The following DACH1 variants were observed in gnomAD, a reference collection of about 807,000 sequenced individuals.
DACH1 encodes dachshund family transcription factor 1.
Under a neutral mutation model 54.2 loss-of-function variants are expected in DACH1, and 12 were observed. The observed-to-expected ratio is 0.22, with a 90% CI of 0.14 to 0.36. The LOEUF (loss-of-function observed/expected upper bound fraction) is 0.36. Ranked by LOEUF, DACH1 falls within the 10% of genes least tolerant of loss-of-function variation. DACH1 has a pLI of 1.00. For synonymous variants in DACH1, 386 were observed against 366.2 expected (o/e 1.05, Z -0.62); for missense variants, 805 against 929.8 (o/e 0.87, Z 1.75).
intron 3 of DACH1, among the ~76,000 whole-genome samples, chr13:71,574,046 C>A (rs910926229): frequency 6.6e-6 from 1 of 152,084 alleles, no homozygotes; most frequent in Admixed American, 6.6e-5. Flanking sequence ...ACAGAGAACA[C>A]AAAAGATCAC....
chr13:71,804,934 A>T (rs2138134764), intron 1 of DACH1, among the ~76,000 whole-genome samples: 1 of 152,278 alleles, frequency 6.6e-6, no homozygotes, highest in South Asian at 2.1e-4. Flanking sequence ...CTTCTCTGGA[A>T]CACAGAACAC....
chr13:71,663,874 T>C (rs938971858), intron 2 of DACH1, among the ~76,000 whole-genome samples: 1 of 151,742 alleles, frequency 6.6e-6, no homozygotes, highest in African/African-American at 2.4e-5. Context: ...CAGAGTTCAA[T>C]ATGTAAAGTT....
At chr13:71,795,366 G>A (rs1164818780) in intron 1 of DACH1, among the ~76,000 whole-genome samples, 1 of 152,074 alleles carries the variant, frequency 6.6e-6, no homozygotes, top group African/African-American at 2.4e-5. Context: ...TTTCCACAGT[G>A]AACCATGTTT....
chr13:71,830,791 C>T (rs1380333771), intron 1 of DACH1, among the ~76,000 whole-genome samples: 1 of 151,844 alleles, frequency 6.6e-6, no homozygotes, highest in Non-Finnish European at 1.5e-5. Flanking sequence ...CCAATCCCAT[C>T]TTATTTACTT....
At chr13:71,546,147 T>C (rs1883450984) in intron 6 of DACH1, among the ~76,000 whole-genome samples, 1 of 152,132 alleles carries the variant, frequency 6.6e-6, no homozygotes, top group Non-Finnish European at 1.5e-5. Flanking sequence ...AAGTTTATAT[T>C]GCTTGCAATA....
intron 2 of DACH1, among the ~76,000 whole-genome samples, chr13:71,671,383 G>A (rs1475686420): frequency 7.9e-5 from 12 of 151,846 alleles, no homozygotes; most frequent in Admixed American, 7.2e-4. Flanking sequence ...TAGCAAGTAC[G>A]ATTGCTTAAG....
chr13:71,629,107 A>G (rs1566390444), intron 3 of DACH1, among the ~76,000 whole-genome samples: 1 of 152,124 alleles, frequency 6.6e-6, no homozygotes, highest in Non-Finnish European at 1.5e-5. Flanking sequence ...TTTTACTTTA[A>G]AGTAATAGTT....
intron 1 of DACH1, among the ~76,000 whole-genome samples, chr13:71,714,227 T>C (rs1403922085): frequency 6.6e-6 from 1 of 152,018 alleles, no homozygotes; most frequent in Admixed American, 6.6e-5. Context: ...ATTTTTGTTA[T>C]GGCAACACTA....
intron 1 of DACH1, among the ~76,000 whole-genome samples, chr13:71,757,380 T>G (rs552776189): frequency 1.3e-5 from 2 of 152,294 alleles, no homozygotes; most frequent in Admixed American, 1.3e-4. Flanking sequence ...AGTGGCCAAA[T>G]GGCTCTGTAG....
At chr13:71,610,912 T>C (rs1004258691) in intron 3 of DACH1, among the ~76,000 whole-genome samples, 2 of 152,226 alleles carry the variant, frequency 1.3e-5, no homozygotes, top group African/African-American at 4.8e-5. Flanking sequence ...AATGTATTTT[T>C]CTGATCATTT....
chr13:71,787,940 G>T (rs566257558), intron 1 of DACH1, among the ~76,000 whole-genome samples: 30 of 152,218 alleles, frequency 2.0e-4, no homozygotes, highest in Non-Finnish European at 4.0e-4. Context: ...ACTGAAAGGA[G>T]CTCAAATAGC....
At chr13:71,599,905 T>G (rs1874377428) in intron 3 of DACH1, among the ~76,000 whole-genome samples, 1 of 151,704 alleles carries the variant, frequency 6.6e-6, no homozygotes, top group Admixed American at 6.6e-5. Flanking sequence ...GAGATGCCTC[T>G]GAATAATGAA....
chr13:71,666,098 G>A (rs1879816237), intron 2 of DACH1, among the ~76,000 whole-genome samples: 1 of 151,850 alleles, frequency 6.6e-6, no homozygotes, highest in Admixed American at 6.6e-5. Flanking sequence ...CAACATTTTG[G>A]CCAGAAACTA....
At chr13:71,601,138 A>T (rs1043408044) in intron 3 of DACH1, among the ~76,000 whole-genome samples, 1 of 152,070 alleles carries the variant, frequency 6.6e-6, no homozygotes, top group Non-Finnish European at 1.5e-5. Flanking sequence ...CGAATAACGC[A>T]GTGTTCTTTG....
At chr13:71,693,469 A>ATTTTTTTTTTTTT (rs748598587) in intron 1 of DACH1, among the ~76,000 whole-genome samples, 4 of 119,300 alleles carry the variant, frequency 3.4e-5, no homozygotes, top group African/African-American at 1.1e-4. Flanking sequence ...CGCCCGGCAA[A>ATTTTTTTTTTTTT]TTTTTTTTTT....
chr13:71,778,388 T>C (rs1886157685), intron 1 of DACH1, among the ~76,000 whole-genome samples: 1 of 151,972 alleles, frequency 6.6e-6, no homozygotes, highest in African/African-American at 2.4e-5. Context: ...AACATTAGAG[T>C]AAATGTTAGA....
rs182623025 is a variant in DACH1 at position 71,633,865 on chromosome 13, T to C, written c.965-3148A>G. On this transcript the variant is annotated intron_variant, in intron 2 of 10. Transcript: ENST00000613252. ...GTACAAGTTCCCATCTTTTCTTTCT[T>C]AGAGTCCTGCTCAATATAATAGCAC... is the stretch of plus-strand genomic sequence containing the variant. Among the ~76,000 whole-genome samples, 18 of 152,242 alleles carry C rather than the reference T, an allele frequency of 1.2e-4. No homozygotes were observed. The East Asian group carries it at 3.1e-3, about 26-fold the overall frequency.
At chr13:71,862,119 A>G (rs1874400615) in intron 1 of DACH1, among the ~76,000 whole-genome samples, 1 of 151,902 alleles carries the variant, frequency 6.6e-6, no homozygotes, top group Admixed American at 6.6e-5. Context: ...TAAGTTAAAA[A>G]CCCCTCAAAT....
chr13:71,625,739 T>C (rs1566387979), intron 3 of DACH1, among the ~76,000 whole-genome samples: 1 of 152,002 alleles, frequency 6.6e-6, no homozygotes, highest in Non-Finnish European at 1.5e-5. Context: ...GGTTTGTTGA[T>C]CAGGGCATTA....
Sources: gnomAD v4.1 joint callset for allele counts (sites outside exome capture counted in the v4.1 genomes callset) on GRCh38, gnomAD v4.1.1 for gene constraint, MANE v1.5 for transcripts, NCBI Gene and HGNC (gene_info 2026-07-23, HGNC 2026-07-21) for gene names.